TNRC6A: variants seen among roughly 807,000 people sequenced by gnomAD.
The protein encoded by TNRC6A is trinucleotide repeat containing adaptor 6A, also known as trinucleotide repeat-containing gene 6A protein.
A neutral mutation model predicts 221.2 loss-of-function variants in TNRC6A; 44 were observed. The observed-to-expected ratio is 0.20, with a 90% CI of 0.16 to 0.26. The LOEUF is 0.26. Among genes scored for constraint, TNRC6A ranks in the 10% least tolerant of loss-of-function variants. The pLI is 1.00. For missense variants in TNRC6A, 2,199 were observed against 2,404.4 expected (o/e 0.91, Z 1.79); for synonymous variants, 847 against 838.5 (o/e 1.01, Z -0.18).
At chr16:24,766,921 C>T (rs2057487044) in intron 4 of TNRC6A, among the ~76,000 whole-genome samples, 1 of 152,154 alleles carries the variant, frequency 6.6e-6, no homozygotes, top group Admixed American at 6.5e-5. Context: ...AAGTGATCCA[C>T]CTGCCTCGGC....
chr16:24,743,046 A>G (rs544708956), intron 2 of TNRC6A, among the ~76,000 whole-genome samples: 1 of 152,338 alleles, frequency 6.6e-6, no homozygotes, highest in East Asian at 1.9e-4. Flanking sequence ...AAAGAAGAGT[A>G]GGATTTGGGT....
chr16:24,750,880 C>T, intron 3 of TNRC6A, 67 bp downstream of exon 3: 1 of 1,304,718 alleles, frequency 7.7e-7, no homozygotes, highest in Non-Finnish European at 1.0e-6. Flanking sequence ...ATTACTCTTA[C>T]AGATTTTGAA....
chr16:24,656,466 C>CAAAA (rs71156432), intron 2 of TNRC6A, among the ~76,000 whole-genome samples: 2 of 122,906 alleles, frequency 1.6e-5, no homozygotes, highest in Non-Finnish European at 1.6e-5. Context: ...GACTCCATCT[C>CAAAA]AAAAAAAAAA....
intron 11 of TNRC6A, among the ~76,000 whole-genome samples, chr16:24,801,184 G>T (rs1352730850): frequency 6.6e-6 from 1 of 152,166 alleles, no homozygotes; most frequent in Non-Finnish European, 1.5e-5. Context: ...ATTAGATGTG[G>T]ATGATAGTGT....
At chr16:24,755,674 G>A (rs1279061783) in intron 3 of TNRC6A, among the ~76,000 whole-genome samples, 1 of 152,218 alleles carries the variant, frequency 6.6e-6, no homozygotes, top group Non-Finnish European at 1.5e-5. Flanking sequence ...GGACCATGTT[G>A]TTGGGACAAG....
chr16:24,636,834 T>C (rs570221500), intron 1 of TNRC6A, among the ~76,000 whole-genome samples: 1 of 152,342 alleles, frequency 6.6e-6, no homozygotes, highest in East Asian at 1.9e-4. Context: ...ATATTCCCTA[T>C]TAATAGATAT....
At position 24,815,152 on chromosome 16, in the gene TNRC6A, A is replaced by G; in HGVS notation, c.4678A>G (p.Ile1560Val). 1.2e-6 allele frequency: 2 copies of G among 1,613,128 alleles called. No individual in the cohort carries two copies. The highest frequency in any genetic ancestry group is 1.7e-6 in the Non-Finnish European group (2 of 1,179,134). ...LDQNSSKHGA[I>V]SSGFRLEESP... is the part of the protein sequence containing the mutation. Reference sequence around the variant, plus strand: ...TATTATTCTTCCCTTGTTAGGTGCTATTTCAAGTGGTTTCAGGCTGGAAGA... The same window carrying G: ...TATTATTCTTCCCTTGTTAGGTGCTGTTTCAAGTGGTTTCAGGCTGGAAGA... Residue 1560 changes from isoleucine (I) to valine (V), a missense_variant, in exon 19 of 25, where the codon ATT becomes GTT. By Grantham distance (29) the Ile-to-Val change is conservative. Transcript: ENST00000395799.
chr16:24,687,856 G>GAAGAAGAAGAAGAAGAAGAAT lies in TNRC6A; in HGVS notation n.402+46867_402+46868insTAAGAAGAAGAAGAAGAAGAA, dbSNP rs2055664202. Among the ~76,000 whole-genome samples, 4 of 149,872 alleles carry GAAGAAGAAGAAGAAGAAGAAT rather than the reference G, an allele frequency of 2.7e-5. No individual in the cohort carries two copies. In the South Asian group the frequency reaches 8.7e-4, roughly 33 times the overall value. ...GGAAGAGGAAGAGGAAGAAGAAGAAGAAGAAGAAGAAGAAGAAGAAGAAGA... is the reference window on the plus strand; with the variant it reads ...GGAAGAGGAAGAGGAAGAAGAAGAAGAAGAAGAAGAAGAAGAAGAATAAGAAGAAGAAGAAGAAGAAGAAGA... On this transcript the variant is annotated intron_variant and non_coding_transcript_variant, in intron 2 of 2. Coordinates refer to the TNRC6A transcript ENST00000566108.
chr16:24,667,272 G>A (rs1160857703), intron 2 of TNRC6A, among the ~76,000 whole-genome samples: 1 of 152,158 alleles, frequency 6.6e-6, no homozygotes. Flanking sequence ...GCTGGGCTCT[G>A]TCCCGTGCCT....
At chr16:24,778,125 A>G (rs2057764763) in intron 5 of TNRC6A, among the ~76,000 whole-genome samples, 1 of 152,208 alleles carries the variant, frequency 6.6e-6, no homozygotes, top group Non-Finnish European at 1.5e-5. Flanking sequence ...TAGCATACTG[A>G]TAAAGAAGGA....
intron 4 of TNRC6A, among the ~76,000 whole-genome samples, chr16:24,768,202 C>T (rs1227563579): frequency 3.9e-5 from 6 of 152,028 alleles, no homozygotes; most frequent in African/African-American, 1.2e-4. Flanking sequence ...GAGGCTGAGG[C>T]GGGCGGACCA....
chr16:24,748,624 A>G (rs965556597), intron 2 of TNRC6A, among the ~76,000 whole-genome samples: 4 of 152,148 alleles, frequency 2.6e-5, no homozygotes, highest in African/African-American at 9.7e-5. Context: ...TCAATTGTGC[A>G]TAATGTCATT....
intron 2 of TNRC6A, among the ~76,000 whole-genome samples, chr16:24,678,906 G>A (rs1391017038): frequency 2.6e-5 from 4 of 151,906 alleles, no homozygotes; most frequent in South Asian, 2.1e-4. Context: ...CTAATGACCC[G>A]AATTAACTTG....
chr16:24,728,333 G>A (rs1185326239), upstream of TNRC6A, among the ~76,000 whole-genome samples: 2 of 152,182 alleles, frequency 1.3e-5, no homozygotes, highest in Admixed American at 1.3e-4. Flanking sequence ...TGTAATCCCA[G>A]CTACTTGGGA....
At position 24,823,365 on chromosome 16, in the gene TNRC6A, A is replaced by G; in HGVS notation, c.5514-67A>G. On this transcript the variant is annotated intron_variant, in intron 24 of 24. Transcript: ENST00000395799. This position sits in a 1 kb window ranked among gnomAD's most constrained non-coding sequence, Gnocchi z 4.3. Reference sequence around the variant, plus strand: ...TCTAGCAGAGACAAGTTGCACCCTCACTTGTGAGTGAATGAAGCCCTCCTG... The same window carrying G: ...TCTAGCAGAGACAAGTTGCACCCTCGCTTGTGAGTGAATGAAGCCCTCCTG... 1 of 1,532,594 alleles carries G rather than the reference A, an allele frequency of 6.5e-7. No individual in the cohort carries two copies. Among genetic ancestry groups the G allele is most frequent in the Non-Finnish European group, 8.8e-7 (1 of 1,139,258 alleles). The allele number at this position is 1,532,594 out of a possible 1,614,324, so 94.9% of individuals were successfully genotyped here.
chr16:24,820,094 T>G, intron 21 of TNRC6A, 45 bp from the exon 22 acceptor site: 1 of 1,546,634 alleles, frequency 6.5e-7, no homozygotes, highest in East Asian at 2.3e-5. Context: ...TCCTCCTTTC[T>G]TAAACATTAT....
intron 2 of TNRC6A, among the ~76,000 whole-genome samples, chr16:24,647,601 A>T (rs1476019829): frequency 6.6e-6 from 1 of 152,070 alleles, no homozygotes; most frequent in Non-Finnish European, 1.5e-5. Context: ...CTACAACTTT[A>T]TCTTCCCACA....
chr16:24,649,872 G>A (rs529879586), intron 2 of TNRC6A, among the ~76,000 whole-genome samples: 2 of 130,744 alleles, frequency 1.5e-5, no homozygotes, highest in East Asian at 4.6e-4. Flanking sequence ...TGTCACCCAG[G>A]CATGACAGTG....
intron 4 of TNRC6A, among the ~76,000 whole-genome samples, chr16:24,762,754 A>G (rs2057390206): frequency 6.6e-6 from 1 of 152,212 alleles, no homozygotes; most frequent in South Asian, 2.1e-4. Context: ...TTATGCAGCT[A>G]ACGAATGCCT....
Sources: allele counts gnomAD v4.1 joint callset (sites outside exome capture counted in the v4.1 genomes callset), GRCh38; gene constraint gnomAD v4.1.1; non-coding constraint Gnocchi (gnomAD v3.1); transcripts MANE v1.5; gene names NCBI Gene and HGNC (gene_info 2026-07-23, HGNC 2026-07-21).